Variants in TCEA1 observed in about 807,000 individuals in gnomAD.
TCEA1 encodes transcription elongation factor A protein 1.
In TCEA1, 21 loss-of-function variants were observed where a neutral mutation model predicts 43.8. The observed-to-expected ratio is 0.48, with a 90% CI of 0.34 to 0.69. TCEA1 has a LOEUF of 0.69. Ranked by LOEUF, TCEA1 falls within the 30% of genes least tolerant of loss-of-function variation. The probability of loss-of-function intolerance (pLI) is 0.01; values close to 1 mark genes in which losing one functional copy is unlikely to be tolerated. For missense variants in TCEA1, 250 were observed against 365.1 expected, an observed-to-expected ratio of 0.68 and a Z score of 2.57; for synonymous variants, 104 against 117.5, an observed-to-expected ratio of 0.88 and a Z score of 0.75.
In TCEA1 at chr8:53,972,515, T is replaced by C. The variant is rs142893602; in HGVS notation, c.826-2052A>G. ...ATGACATTACACATTAATTAGCAGT[T>C]TGCAACATGGACTGGGATAGATTAA... On this transcript the variant is annotated intron_variant, in intron 8 of 9. Transcript: ENST00000521604. 2.5e-4 allele frequency: 137 copies of C among 539,684 alleles called. No individual in the cohort carries two copies. The East Asian group carries it at 6.5e-3, about 26-fold the overall frequency. The allele number at this position is 539,684 out of a possible 1,614,324, so 33.4% of individuals were successfully genotyped here.
At position 53,974,534 on chromosome 8, in the gene TCEA1, GGGGT is replaced by G. The variant is rs1461421528; in HGVS notation, c.826-4075_826-4072del. On this transcript the variant is annotated intron_variant, in intron 8 of 9. Coordinates refer to ENST00000521604, the MANE Select transcript of TCEA1 (RefSeq NM_006756.4). ...GTTTTTTTGGGGGGTAGTGGGGGTG[GGGGT>G]GGGGGGGGGACGGAGTTTCATTCTT... Among the ~76,000 whole-genome samples the G allele has an allele frequency of 2.4e-3, 345 of 146,612 alleles. 1 individual carries two copies. Among genetic ancestry groups the G allele is most frequent in the African/African-American group, 8.1e-3 (326 of 40,010 alleles).
At chr8:53,994,747 T>G (rs1803995712) in intron 3 of TCEA1, among the ~76,000 whole-genome samples, 1 of 151,978 alleles carries the variant, frequency 6.6e-6, no homozygotes, top group Non-Finnish European at 1.5e-5. Flanking sequence ...GATACGCGCC[T>G]GTAGTCCCAG....
intron 2 of TCEA1, among the ~76,000 whole-genome samples, chr8:54,009,317 A>C (rs1028057288): frequency 6.6e-6 from 1 of 152,220 alleles, no homozygotes; most frequent in Non-Finnish European, 1.5e-5. Flanking sequence ...CAGCAATCCC[A>C]CTACCAAATA....
rs1197084767 is a variant in TCEA1, at chr8:54,008,855, T to A, written c.126+1575A>T. ...ATTTTATTTTTATTTATTTATTTATTTTTTTTTTTTTTGAGACAGAGTCTC... is the reference window on the plus strand; with the variant it reads ...ATTTTATTTTTATTTATTTATTTATATTTTTTTTTTTTGAGACAGAGTCTC... On this transcript the variant is annotated intron_variant, in intron 2 of 9. Transcript: ENST00000521604. Among the ~76,000 whole-genome samples, 467 of 141,820 alleles carry A rather than the reference T, an allele frequency of 3.3e-3. 2 individuals are homozygous for A. The highest frequency in any genetic ancestry group is 0.011 in the African/African-American group (448 of 40,078). 93.0% of individuals were successfully genotyped at this position (141,820 alleles called of 152,430 possible).
intron 2 of TCEA1, among the ~76,000 whole-genome samples, chr8:54,008,298 T>C (rs1804541596): frequency 7.0e-6 from 1 of 142,734 alleles, no homozygotes; most frequent in African/African-American, 2.6e-5. Context: ...ATATTAACAA[T>C]AAATAAGGAA....
At chr8:53,991,153 G>A (rs966123789) in intron 4 of TCEA1, among the ~76,000 whole-genome samples, 8 of 152,202 alleles carry the variant, frequency 5.3e-5, no homozygotes, top group African/African-American at 1.9e-4. Flanking sequence ...AGTACTTTGA[G>A]AGGCCAAGGT....
intron 1 of TCEA1, among the ~76,000 whole-genome samples, chr8:54,018,972 AGCTATTTG>A (rs1425593712): frequency 6.6e-6 from 1 of 152,204 alleles, no homozygotes; most frequent in African/African-American, 2.4e-5. Flanking sequence ...GCCATTCACT[AGCTATTTG>A]GCTTAAGACT....
At position 54,002,463 on chromosome 8, in the gene TCEA1, C is replaced by G. The variant is rs151058845; in HGVS notation, c.127-2413G>C. Among the ~76,000 whole-genome samples, 147 of 140,504 alleles carry G rather than the reference C, an allele frequency of 1.0e-3. 4 individuals carry two copies. The East Asian group carries it at 0.026, about 25-fold the overall frequency. The allele number at this position is 140,504 out of a possible 152,430, so 92.2% of individuals were successfully genotyped here. Reference sequence around the variant, plus strand: ...CAGCCTGGGTAACAGAACAAGACTCCGTCTCAAAAAAAAAAAGAAAAAAAA... The same window carrying G: ...CAGCCTGGGTAACAGAACAAGACTCGGTCTCAAAAAAAAAAAGAAAAAAAA... On this transcript the variant is annotated intron_variant, in intron 2 of 9. Coordinates refer to ENST00000521604, the MANE Select transcript of TCEA1 (RefSeq NM_006756.4).
At chr8:54,017,877 G>A (rs1011906680) in intron 1 of TCEA1, among the ~76,000 whole-genome samples, 6 of 152,228 alleles carry the variant, frequency 3.9e-5, no homozygotes, top group African/African-American at 1.4e-4. Flanking sequence ...CCAAGATCAT[G>A]CCACCACACT....
intron 9 of TCEA1, 58 bp from the exon 10 acceptor site, chr8:53,968,170 C>A: frequency 1.5e-6 from 2 of 1,354,682 alleles, no homozygotes; most frequent in South Asian, 1.4e-5. Context: ...GGTACATTCC[C>A]CATTTAATAC....
chr8:53,987,760 A>G (rs1803734053), intron 5 of TCEA1, among the ~76,000 whole-genome samples: 2 of 152,218 alleles, frequency 1.3e-5, no homozygotes, highest in Admixed American at 6.5e-5. Flanking sequence ...CTATTCAACA[A>G]TTCAGTATTG....
At chr8:54,006,132 C>G (rs1309312668) in intron 2 of TCEA1, among the ~76,000 whole-genome samples, 1 of 152,200 alleles carries the variant, frequency 6.6e-6, no homozygotes, top group Non-Finnish European at 1.5e-5. Context: ...CTTAGATTGA[C>G]AAGTAAACTT....
intron 2 of TCEA1, among the ~76,000 whole-genome samples, chr8:54,006,087 T>G (rs1804427593): frequency 6.6e-6 from 1 of 152,224 alleles, no homozygotes; most frequent in African/African-American, 2.4e-5. Context: ...CTTTATCACC[T>G]ACATAACAGC....
At chr8:53,979,774 T>C (rs2129300818) in intron 7 of TCEA1, among the ~76,000 whole-genome samples, 1 of 152,288 alleles carries the variant, frequency 6.6e-6, no homozygotes, top group East Asian at 1.9e-4. Context: ...CTCCTATAGG[T>C]AACATTATTA....
At chr8:53,971,025 A>AT (rs1281927051) in intron 8 of TCEA1, among the ~76,000 whole-genome samples, 50 of 152,326 alleles carry the variant, frequency 3.3e-4, no homozygotes, top group African/African-American at 1.2e-3. Context: ...AAAGAGTATA[A>AT]TTTTATAACA....
chr8:53,971,289 A>G (rs1020839634), intron 8 of TCEA1: 1 of 152,276 alleles, frequency 6.6e-6, no homozygotes, highest in Non-Finnish European at 1.5e-5. Flanking sequence ...AGAACCTGAG[A>G]TTTTGGGAAA....
chr8:54,020,269 T>C (rs1804979193), intron 1 of TCEA1, among the ~76,000 whole-genome samples: 1 of 152,124 alleles, frequency 6.6e-6, no homozygotes, highest in Non-Finnish European at 1.5e-5. Context: ...AATCTTCCAG[T>C]TTAAACAAAA....
chr8:54,010,524 C>G, intron 1 of TCEA1, 32 bp from the exon 2 acceptor site: 1 of 1,525,460 alleles, frequency 6.6e-7, no homozygotes, highest in South Asian at 1.2e-5. Flanking sequence ...TATTGAATTC[C>G]CAAGATGGTA....
At chr8:53,983,162 G>A (rs1452514252) in intron 7 of TCEA1, among the ~76,000 whole-genome samples, 2 of 152,146 alleles carry the variant, frequency 1.3e-5, no homozygotes, top group African/African-American at 4.8e-5. Context: ...TTTTAGCAAG[G>A]TGTACATTGT....
Sources: allele counts gnomAD v4.1 joint callset (sites outside exome capture counted in the v4.1 genomes callset), GRCh38; gene constraint gnomAD v4.1.1; transcripts MANE v1.5; gene names NCBI Gene and HGNC (gene_info 2026-07-23, HGNC 2026-07-21).